Variants in DLGAP2 observed in about 807,000 individuals in gnomAD.
DLGAP2 encodes disks large-associated protein 2.
DLGAP2 carries 26 observed loss-of-function variants against 100.3 expected under a neutral mutation model. The ratio of observed to expected loss-of-function variants is 0.26; its 90% CI spans 0.19 to 0.36. The LOEUF is 0.36. DLGAP2 is among the 10% of genes least tolerant of loss of function. The pLI, the probability that DLGAP2 is intolerant of heterozygous loss-of-function variation, is 1.00. For missense variants in DLGAP2, 1,858 were observed against 1,453.2 expected (o/e 1.28, Z -4.53); for synonymous variants, 886 against 630.1 (o/e 1.41, Z -6.08).
intron 1 of DLGAP2, among the ~76,000 whole-genome samples, chr8:823,766 CG>C (rs1241300913): frequency 1.3e-5 from 2 of 152,130 alleles, no homozygotes; most frequent in Admixed American, 6.5e-5. Flanking sequence ...ATTCGCAGCA[CG>C]GGGAGCTGTC....
At chr8:854,460 G>T (rs1051126959) in intron 1 of DLGAP2, among the ~76,000 whole-genome samples, 4 of 152,192 alleles carry the variant, frequency 2.6e-5, no homozygotes, top group African/African-American at 9.6e-5. Context: ...TGTGTCTGGT[G>T]AGGGCCTTGC....
At chr8:1,189,827 C>G (rs116714834) in intron 2 of DLGAP2, among the ~76,000 whole-genome samples, 4,600 of 151,616 alleles carry the variant, frequency 0.03, 264 homozygotes, top group African/African-American at 0.098. Context: ...CCCCTGAGGG[C>G]AAGAAGGGGC....
At chr8:775,356 A>G (rs1325254676) in intron 1 of DLGAP2, among the ~76,000 whole-genome samples, 60 of 150,492 alleles carry the variant, frequency 4.0e-4, no homozygotes, top group African/African-American at 1.3e-3. Flanking sequence ...TCTCCTGCCT[A>G]ATTGCCCTGG....
chr8:878,721 T>G (rs1797729054), intron 1 of DLGAP2, among the ~76,000 whole-genome samples: 1 of 152,126 alleles, frequency 6.6e-6, no homozygotes, highest in Non-Finnish European at 1.5e-5. Flanking sequence ...ATGGGTTGCT[T>G]TCCAAGAAGG....
chr8:923,569 G>T (rs536353107), intron 2 of DLGAP2, among the ~76,000 whole-genome samples: 41 of 151,698 alleles, frequency 2.7e-4, no homozygotes, highest in Middle Eastern at 3.4e-3. Context: ...AAGGAAACAG[G>T]GGGTGACGTT....
intron 2 of DLGAP2, among the ~76,000 whole-genome samples, chr8:928,392 G>C (rs1384496003): frequency 6.6e-6 from 1 of 152,140 alleles, no homozygotes; most frequent in Non-Finnish European, 1.5e-5. Context: ...AATGTGTTCA[G>C]TAGGTGTCCT....
At chr8:1,670,882 C>T (rs1297971657) in intron 10 of DLGAP2, among the ~76,000 whole-genome samples, 1 of 152,196 alleles carries the variant, frequency 6.6e-6, no homozygotes, top group African/African-American at 2.4e-5. Flanking sequence ...AGGAATCGAG[C>T]AGATGAAAGA....
At chr8:1,299,302 G>T (rs73170435) in intron 3 of DLGAP2, among the ~76,000 whole-genome samples, 3,802 of 152,338 alleles carry the variant, frequency 0.025, 59 homozygotes, top group Middle Eastern at 0.054. Context: ...TGGATGGTCT[G>T]TCTGGCCTCC....
chr8:1,626,793 C>A lies in DLGAP2; in HGVS notation c.1496C>A (p.Pro499His). Residue 499 changes from proline (P) to histidine (H), a missense_variant, in exon 7 of 15, where the codon CCC (proline) becomes CAC (histidine). By Grantham distance (77) the Pro-to-His change is moderately conservative. Coordinates refer to ENST00000637795, the MANE Select transcript of DLGAP2 (RefSeq NM_001346810.2). The stretch of plus-strand genomic sequence containing the variant: ...GTGCCTGTGGGACACAGCCTGGACC[C>A]CGCTGCGAACTACAACTCCCCGAAA... ...SDVPVGHSLD[P>H]AANYNSPKFR... 1.9e-6 allele frequency: 3 copies of A among 1,603,496 alleles called. No individual in the cohort carries two copies. The highest frequency in any genetic ancestry group is 2.6e-6 in the Non-Finnish European group (3 of 1,175,512).
Position 743,029 on chromosome 8 carries a change from A to T in DLGAP2, c.18+5204A>T, listed in dbSNP as rs75636717. Among the ~76,000 whole-genome samples, 39 of 152,322 alleles carry T rather than the reference A, an allele frequency of 2.6e-4. No homozygotes were observed. In the East Asian group the frequency reaches 6.6e-3, roughly 26 times the overall value. ...TTTGAGTCAGTCCACAATGGAAGTT[A>T]TCAAGCAACTCTTTGATTTCTCTCA... On this transcript the variant is annotated intron_variant, in intron 1 of 14. Coordinates refer to ENST00000637795, the MANE Select transcript of DLGAP2 (RefSeq NM_001346810.2).
intron 5 of DLGAP2, 56 bp downstream of exon 5, chr8:1,549,739 G>A (rs945658935): frequency 5.5e-6 from 8 of 1,450,704 alleles, no homozygotes; most frequent in Admixed American, 2.5e-5. Flanking sequence ...TGGTATTGTC[G>A]TTATTCCTTT....
rs147113339 is a variant in DLGAP2 at position 1,149,654 on chromosome 8, T to C, written c.74-109197T>C. 2.3e-3 allele frequency among the ~76,000 whole-genome samples: 344 copies of C among 152,378 alleles called. 2 individuals are homozygous for C. Among genetic ancestry groups the C allele is most frequent in the African/African-American group, 7.8e-3 (325 of 41,594 alleles). ...TTTTCATCTGGTCAGACTGTATATA[T>C]TAAATGTAATTCATGACATCCAGGA... On this transcript the variant is annotated intron_variant, in intron 2 of 14. Coordinates refer to ENST00000637795, the MANE Select transcript of DLGAP2 (RefSeq NM_001346810.2).
intron 3 of DLGAP2, among the ~76,000 whole-genome samples, chr8:1,458,871 G>C (rs1052939543): frequency 1.3e-5 from 2 of 152,178 alleles, no homozygotes; most frequent in Non-Finnish European, 2.9e-5. Context: ...CCATGATATG[G>C]GGCTCTGTAG....
chr8:1,166,379 C>G (rs1797016247), intron 2 of DLGAP2, among the ~76,000 whole-genome samples: 1 of 152,220 alleles, frequency 6.6e-6, no homozygotes. Context: ...CCAGGTTGAT[C>G]ATTTAATAAT....
chr8:963,060 C>A (rs1238467988), intron 2 of DLGAP2, among the ~76,000 whole-genome samples: 4 of 152,050 alleles, frequency 2.6e-5, no homozygotes, highest in Non-Finnish European at 5.9e-5. Flanking sequence ...ACTGTGTGGG[C>A]TTCGGTGCGG....
intron 2 of DLGAP2, among the ~76,000 whole-genome samples, chr8:946,266 T>C (rs1019660980): frequency 2.7e-5 from 4 of 150,290 alleles, no homozygotes; most frequent in African/African-American, 5.0e-5. Context: ...TGCTGTTTCT[T>C]AGGTTTTTTT....
chr8:1,691,862 C>G (rs867271968), intron 13 of DLGAP2, among the ~76,000 whole-genome samples: 1 of 121,008 alleles, frequency 8.3e-6, no homozygotes, highest in Non-Finnish European at 1.7e-5. Flanking sequence ...GGTACCGAGG[C>G]AGGGAGGCGG....
intron 2 of DLGAP2, among the ~76,000 whole-genome samples, chr8:1,164,324 A>ATTTTTCTGTGAGCCCC (rs1563224491): frequency 4.0e-5 from 3 of 74,376 alleles, no homozygotes; most frequent in Non-Finnish European, 6.1e-5. Context: ...GTTTGTGGGG[A>ATTTTTCTGTGAGCCCC]CAGATTTTTC....
At chr8:856,173 C>CTTG in intron 1 of DLGAP2, among the ~76,000 whole-genome samples, 2 of 132,716 alleles carry the variant, frequency 1.5e-5, no homozygotes, top group Non-Finnish European at 3.2e-5. Context: ...GTGGAAAAAT[C>CTTG]TTCTTCTTCT....
Sources: gnomAD v4.1 joint callset for allele counts (sites outside exome capture counted in the v4.1 genomes callset) on GRCh38, gnomAD v4.1.1 for gene constraint, MANE v1.5 for transcripts, NCBI Gene and HGNC (gene_info 2026-07-23, HGNC 2026-07-21) for gene names.